The following CSMD1 variants were observed in gnomAD, a reference collection of about 807,000 sequenced individuals.
CSMD1 encodes CUB and Sushi multiple domains 1, also known as CUB and sushi domain-containing protein 1.
In CSMD1, 213 loss-of-function variants were observed where a neutral mutation model predicts 417.5. The observed-to-expected ratio is 0.51, with a 90% CI of 0.46 to 0.57. The LOEUF (loss-of-function observed/expected upper bound fraction) is 0.57, where lower values mean the gene tolerates loss of function less well. CSMD1 is among the 20% of genes least tolerant of loss of function. The pLI is 0.00. For missense variants in CSMD1, 6,923 were observed against 4,529.7 expected, an observed-to-expected ratio of 1.53 and a Z score of -15.17; for synonymous variants, 2,862 against 1,736.8, an observed-to-expected ratio of 1.65 and a Z score of -16.11.
intron 1 of CSMD1, among the ~76,000 whole-genome samples, chr8:4,928,992 A>C (rs1433796775): frequency 2.0e-5 from 3 of 151,920 alleles, no homozygotes; most frequent in Non-Finnish European, 4.4e-5. Context: ...AGTCACTTGA[A>C]CCCGGGCGGC....
chr8:4,370,450 G>A (rs140928947), intron 3 of CSMD1, among the ~76,000 whole-genome samples: 2 of 152,108 alleles, frequency 1.3e-5, no homozygotes, highest in Non-Finnish European at 2.9e-5. Context: ...ATCTCATGGA[G>A]ATTCTCTGAA....
intron 3 of CSMD1, among the ~76,000 whole-genome samples, chr8:4,177,236 C>G (rs886087816): frequency 1.3e-5 from 2 of 152,144 alleles, no homozygotes; most frequent in African/African-American, 2.4e-5. Context: ...CTGTCTCTCA[C>G]ACCACAGTGC....
intron 6 of CSMD1, among the ~76,000 whole-genome samples, chr8:3,734,871 C>T (rs1360489935): frequency 6.6e-6 from 1 of 152,170 alleles, no homozygotes; most frequent in Non-Finnish European, 1.5e-5. Context: ...GCTGATGCTA[C>T]AATAGGGCTG....
chr8:3,502,364 CAAAAA>C (rs371588108), intron 10 of CSMD1, among the ~76,000 whole-genome samples: 1 of 109,180 alleles, frequency 9.2e-6, no homozygotes, highest in Non-Finnish European at 1.8e-5. Flanking sequence ...GACTTCATCT[CAAAAA>C]AAAAAAAAAA....
chr8:3,920,359 T>TGTGTGTG (rs56406995), intron 5 of CSMD1, among the ~76,000 whole-genome samples: 22 of 150,294 alleles, frequency 1.5e-4, no homozygotes, highest in African/African-American at 4.6e-4. Context: ...GCGTGTGTGT[T>TGTGTGTG]TGTGTGTGTG....
At chr8:3,224,500 C>T (rs1011048930) in intron 27 of CSMD1, among the ~76,000 whole-genome samples, 2 of 152,154 alleles carry the variant, frequency 1.3e-5, no homozygotes, top group Non-Finnish European at 2.9e-5. Flanking sequence ...GAATTACTTT[C>T]CCCATATTTC....
At chr8:4,046,247 T>C (rs147278586) in intron 3 of CSMD1, among the ~76,000 whole-genome samples, 5 of 152,338 alleles carry the variant, frequency 3.3e-5, no homozygotes, top group African/African-American at 1.2e-4. Context: ...TGTGGCATTA[T>C]CTTTTATTTC....
intron 37 of CSMD1, among the ~76,000 whole-genome samples, chr8:3,176,151 A>G (rs955132208): frequency 6.6e-6 from 1 of 152,208 alleles, no homozygotes; most frequent in Non-Finnish European, 1.5e-5. Context: ...AATTTAGTGA[A>G]GAAGGCCTGA....
intron 5 of CSMD1, among the ~76,000 whole-genome samples, chr8:3,840,259 G>T (rs1803037989): frequency 6.6e-6 from 1 of 152,086 alleles, no homozygotes; most frequent in East Asian, 1.9e-4. Context: ...TAGCCAAATG[G>T]TGAAACAGAT....
At chr8:3,645,154 T>A (rs1330838118) in intron 7 of CSMD1, among the ~76,000 whole-genome samples, 1 of 151,980 alleles carries the variant, frequency 6.6e-6, no homozygotes, top group Non-Finnish European at 1.5e-5. Flanking sequence ...TAACATAAGA[T>A]CAAATCACCA....
intron 5 of CSMD1, among the ~76,000 whole-genome samples, chr8:3,854,780 G>A (rs1446031994): frequency 6.6e-6 from 1 of 151,990 alleles, no homozygotes; most frequent in African/African-American, 2.4e-5. Flanking sequence ...TTAAGAAGTG[G>A]TGATCAAAAT....
At chr8:4,861,519 G>C (rs776507567) in intron 1 of CSMD1, among the ~76,000 whole-genome samples, 1 of 152,054 alleles carries the variant, frequency 6.6e-6, no homozygotes, top group Non-Finnish European at 1.5e-5. Flanking sequence ...GTCAAGTGAG[G>C]GGTATGGAGA....
chr8:4,791,259 C>T (rs1161441326), intron 1 of CSMD1, among the ~76,000 whole-genome samples: 2 of 152,166 alleles, frequency 1.3e-5, no homozygotes, highest in Non-Finnish European at 2.9e-5. Flanking sequence ...GGGGCTTTGC[C>T]TGTCATGGAC....
intron 5 of CSMD1, among the ~76,000 whole-genome samples, chr8:3,844,075 C>G (rs376048252): frequency 3.3e-5 from 5 of 152,320 alleles, no homozygotes; most frequent in East Asian, 1.9e-4. Context: ...CCACTCTCAA[C>G]AAGGCCATCT....
At chr8:3,133,456 C>A (rs918085609) in intron 41 of CSMD1, among the ~76,000 whole-genome samples, 1 of 152,176 alleles carries the variant, frequency 6.6e-6, no homozygotes, top group Admixed American at 6.5e-5. Context: ...GGTGCCTTGG[C>A]CTCAGGGGAA....
At chr8:4,503,137 T>C (rs1802344394) in intron 2 of CSMD1, among the ~76,000 whole-genome samples, 1 of 152,210 alleles carries the variant, frequency 6.6e-6, no homozygotes, top group Non-Finnish European at 1.5e-5. Flanking sequence ...GGATATGCTT[T>C]TTTTACGTGA....
chr8:3,372,360 G>C (rs76399622), intron 18 of CSMD1, among the ~76,000 whole-genome samples: 6 of 152,142 alleles, frequency 3.9e-5, no homozygotes, highest in African/African-American at 1.2e-4. Context: ...TCAGTGACAT[G>C]ATGGGGCACT....
Position 4,852,670 on chromosome 8 carries a change from T to C in CSMD1, c.85+141662A>G, listed in dbSNP as rs185543784. ...GGTAATGGGTAGAGATTGGAAGAGT[T>C]TGGAGGACTCAAAAGACGACAGGAA... On this transcript the variant is annotated intron_variant, in intron 1 of 69. Transcript: ENST00000635120. 4.3e-3 allele frequency among the ~76,000 whole-genome samples: 657 copies of C among 152,088 alleles called. 4 individuals are homozygous for C. The highest frequency in any genetic ancestry group is 0.015 in the African/African-American group (604 of 41,474).
At chr8:3,815,762 C>T (rs904091997) in intron 5 of CSMD1, among the ~76,000 whole-genome samples, 1 of 151,822 alleles carries the variant, frequency 6.6e-6, no homozygotes, top group African/African-American at 2.4e-5. Context: ...GTCATAAAAC[C>T]ACATTGTTCA....
Sources: gnomAD v4.1 joint callset for allele counts (sites outside exome capture counted in the v4.1 genomes callset) on GRCh38, gnomAD v4.1.1 for gene constraint, MANE v1.5 for transcripts, NCBI Gene and HGNC (gene_info 2026-07-23, HGNC 2026-07-21) for gene names.